The following EPB41 variants were observed in gnomAD, a reference collection of about 807,000 sequenced individuals.
The protein encoded by EPB41 is protein 4.1.
Under a neutral mutation model 108.0 loss-of-function variants are expected in EPB41, and 65 were observed. The observed-to-expected ratio is 0.60, with a 90% CI of 0.49 to 0.74. EPB41 has a LOEUF of 0.74. EPB41 is among the 30% of genes least tolerant of loss of function. EPB41 has a pLI of 0.00. For missense variants in EPB41, 875 were observed against 1,037.0 expected (o/e 0.84, Z 2.15); for synonymous variants, 336 against 358.9 (o/e 0.94, Z 0.72).
intron 5 of EPB41, among the ~76,000 whole-genome samples, chr1:29,014,165 A>G (rs942785225): frequency 5.3e-5 from 8 of 151,918 alleles, no homozygotes; most frequent in Admixed American, 4.6e-4. Context: ...TAAAATACAA[A>G]AATTAGCTGG....
At chr1:29,019,834 A>G (rs1178980545) in intron 7 of EPB41, among the ~76,000 whole-genome samples, 1 of 152,154 alleles carries the variant, frequency 6.6e-6, no homozygotes, top group Non-Finnish European at 1.5e-5. Flanking sequence ...TACCTCAGTC[A>G]TGAGGACCAT....
chr1:29,074,505 C>T (rs867826326), intron 16 of EPB41, among the ~76,000 whole-genome samples: 1 of 152,158 alleles, frequency 6.6e-6, no homozygotes, highest in East Asian at 1.9e-4. Flanking sequence ...GAAGCTGTTA[C>T]TCCTCATGCC....
intron 1 of EPB41, among the ~76,000 whole-genome samples, chr1:28,968,751 G>A (rs1306827703): frequency 2.0e-5 from 3 of 151,970 alleles, no homozygotes; most frequent in South Asian, 2.1e-4. Context: ...ATCACCTGAC[G>A]CCAGAAGTTC....
At chr1:29,105,087 T>A (rs1377471380) in intron 17 of EPB41, among the ~76,000 whole-genome samples, 1 of 152,166 alleles carries the variant, frequency 6.6e-6, no homozygotes, top group Admixed American at 6.5e-5. Flanking sequence ...TACAGAACAT[T>A]ACCCCTGAAA....
intron 1 of EPB41, 63 bp downstream of exon 1, chr1:28,914,831 G>A (rs1305370908): frequency 6.6e-6 from 1 of 152,664 alleles, no homozygotes; most frequent in Non-Finnish European, 1.5e-5. Flanking sequence ...TGTCCCCGTG[G>A]GGACGGTCCT....
At chr1:29,041,147 T>TAAAA (rs370795631) in intron 11 of EPB41, 4 of 141,262 alleles carry the variant, frequency 2.8e-5, no homozygotes, top group Admixed American at 1.4e-4. Flanking sequence ...AATAAATAAA[T>TAAAA]TAAATAAATA....
rs1420260973 is a variant in EPB41, at chr1:28,889,880, A to G, written c.-8+2670A>G. On this transcript the variant is annotated intron_variant, in intron 1 of 16. Transcript: ENST00000347529. Reference sequence around the variant, plus strand: ...CCACAGACCTGAACAGGATACTCACAGAGGGCTCACCACAGAGTTATGGTG... The same window carrying G: ...CCACAGACCTGAACAGGATACTCACGGAGGGCTCACCACAGAGTTATGGTG... The G allele has an allele frequency of 9.2e-6, 9 of 978,696 alleles. No individual in the cohort carries two copies. The East Asian group carries it at 4.6e-4, about 49-fold the overall frequency. The allele number at this position is 978,696 out of a possible 1,614,324, so 60.6% of individuals were successfully genotyped here.
In EPB41 at chr1:28,935,917, C is replaced by CA. The variant is rs35063100; in HGVS notation, c.-8+21166dup. ...CTGGTGACAGAGCGAGACTCTGTTT[C>CA]AAAAAAAAAAAAAAAAAGTTACTGT... On this transcript the variant is annotated intron_variant, in intron 1 of 20. Coordinates refer to ENST00000343067, the MANE Select transcript of EPB41 (RefSeq NM_001376013.1). 2.3e-3 allele frequency among the ~76,000 whole-genome samples: 274 copies of CA among 119,730 alleles called. 1 individual carries two copies. Among genetic ancestry groups the CA allele is most frequent in the South Asian group, 4.1e-3 (15 of 3,652 alleles). 78.5% of individuals were successfully genotyped at this position (119,730 alleles called of 152,430 possible). A position where few individuals can be genotyped will look rare whatever the true frequency, so the allele number is the denominator to read the frequency against.
chr1:29,049,065 G>A (rs1351194546), intron 11 of EPB41, among the ~76,000 whole-genome samples: 1 of 151,994 alleles, frequency 6.6e-6, no homozygotes, highest in African/African-American at 2.4e-5. Flanking sequence ...GCTTTATAAG[G>A]GGTCTTATTT....
intron 16 of EPB41, among the ~76,000 whole-genome samples, chr1:29,087,090 C>T (rs551107849): frequency 1.6e-4 from 24 of 151,428 alleles, no homozygotes; most frequent in Middle Eastern, 3.5e-3. Context: ...TACAGGCGCC[C>T]GCCACCATGC....
In EPB41 at chr1:28,978,627, A is replaced by G. The variant is rs547291965; in HGVS notation, c.-7-8804A>G. On this transcript the variant is annotated intron_variant, in intron 1 of 20. Transcript: ENST00000343067. Reference sequence around the variant, plus strand: ...GGGGTATGTCTGTGAGGATGTTTCCAGAGGAGATTAGTGTGTAAGTCTTGT... The same window carrying G: ...GGGGTATGTCTGTGAGGATGTTTCCGGAGGAGATTAGTGTGTAAGTCTTGT... Among the ~76,000 whole-genome samples, 23 of 151,560 alleles carry G rather than the reference A, an allele frequency of 1.5e-4. 1 individual carries two copies. In the South Asian group the frequency reaches 2.1e-3, roughly 14 times the overall value.
At chr1:28,940,236 T>C (rs888031840) in intron 1 of EPB41, among the ~76,000 whole-genome samples, 3 of 152,334 alleles carry the variant, frequency 2.0e-5, no homozygotes, top group Middle Eastern at 3.4e-3. Flanking sequence ...TCAGAATAAT[T>C]ATTAGAAGTG....
rs1432028737 is a variant in EPB41 at position 28,908,678 on chromosome 1, C to T, written c.-8+21468C>T. Among the ~76,000 whole-genome samples, 7 of 150,470 alleles carry T rather than the reference C, an allele frequency of 4.7e-5. No homozygotes were observed. The East Asian group carries it at 1.4e-3, about 31-fold the overall frequency. On this transcript the variant is annotated intron_variant, in intron 1 of 16. Transcript: ENST00000347529. The stretch of plus-strand genomic sequence containing the variant: ...CACTCCTGACCTCGTGATCCACCCG[C>T]CTCGGCCTCCCAAAGTGCTGGGATT...
At chr1:29,096,357 C>T in intron 16 of EPB41, 1 of 985,964 alleles carries the variant, frequency 1.0e-6, no homozygotes, top group Non-Finnish European at 1.2e-6. Flanking sequence ...GAGGAGGGGG[C>T]AGCTGGCTAT....
At chr1:29,022,700 G>A (rs998417560) in intron 7 of EPB41, among the ~76,000 whole-genome samples, 4 of 151,992 alleles carry the variant, frequency 2.6e-5, no homozygotes, top group South Asian at 2.1e-4. Flanking sequence ...CAGCCTGGGC[G>A]ACAAGAGCAA....
chr1:28,888,204 G>A (rs944655070), intron 1 of EPB41, among the ~76,000 whole-genome samples: 2 of 152,274 alleles, frequency 1.3e-5, no homozygotes, highest in East Asian at 1.9e-4. Flanking sequence ...CCTCCAGAAG[G>A]AGGAGGCTTG....
chr1:29,070,173 A>G (rs1395401162), intron 16 of EPB41: 4 of 396,930 alleles, frequency 1.0e-5, no homozygotes, highest in Admixed American at 8.9e-5. Flanking sequence ...AAAGGTATCT[A>G]TTGAGCACCC....
At chr1:29,068,732 G>A in intron 16 of EPB41, 1 of 1,232,074 alleles carries the variant, frequency 8.1e-7, no homozygotes, top group Non-Finnish European at 1.0e-6. Context: ...TGTATGACCA[G>A]GTGAAGAAAA....
chr1:29,022,372 T>TAAA lies in EPB41; in HGVS notation c.1124+3947_1124+3949dup, dbSNP rs370103452. Among the ~76,000 whole-genome samples the TAAA allele has an allele frequency of 4.3e-3, 483 of 111,448 alleles. 4 individuals are homozygous for TAAA. The highest frequency in any genetic ancestry group is 0.014 in the African/African-American group (433 of 31,134). The allele number at this position is 111,448 out of a possible 152,430, so 73.1% of individuals were successfully genotyped here. On this transcript the variant is annotated intron_variant, in intron 7 of 20. Transcript: ENST00000343067. Reference sequence around the variant, plus strand: ...CTTTAAGAAACTGCCATTGATATAATAAAAAAAAAAAAAAAAAAAGAAACT... The same window carrying TAAA: ...CTTTAAGAAACTGCCATTGATATAATAAAAAAAAAAAAAAAAAAAAAAGAAACT...
Sources: gnomAD v4.1 joint callset for allele counts (sites outside exome capture counted in the v4.1 genomes callset) on GRCh38, gnomAD v4.1.1 for gene constraint, MANE v1.5 for transcripts, NCBI Gene and HGNC (gene_info 2026-07-23, HGNC 2026-07-21) for gene names.